The following ANKRD12 variants were observed in gnomAD, a reference collection of about 807,000 sequenced individuals.
ANKRD12 encodes the protein ankyrin repeat domain-containing protein 12.
In ANKRD12, 85 loss-of-function variants were observed where a neutral mutation model predicts 183.4. The observed-to-expected ratio is 0.46, with a 90% CI of 0.39 to 0.56. The LOEUF is 0.56. ANKRD12 is among the 20% of genes least tolerant of loss of function. The probability of loss-of-function intolerance (pLI) is 0.00; values close to 1 mark genes in which losing one functional copy is unlikely to be tolerated. For synonymous variants in ANKRD12, 914 were observed against 800.2 expected, an observed-to-expected ratio of 1.14 and a Z score of -2.40; for missense variants, 2,405 against 2,357.1, an observed-to-expected ratio of 1.02 and a Z score of -0.42.
intron 1 of ANKRD12, among the ~76,000 whole-genome samples, chr18:9,175,020 T>A (rs1253168397): frequency 6.6e-6 from 1 of 152,044 alleles, no homozygotes; most frequent in African/African-American, 2.4e-5. Context: ...AGTGGTGTGA[T>A]CTCGACTCAC....
chr18:9,145,086 A>G (rs1351630302), intron 1 of ANKRD12, among the ~76,000 whole-genome samples: 11 of 152,160 alleles, frequency 7.2e-5, no homozygotes, highest in African/African-American at 2.7e-4. Flanking sequence ...TTCCAGTTTT[A>G]CCACAATGAA....
At chr18:9,225,693 T>G (rs1337409040) in intron 8 of ANKRD12, among the ~76,000 whole-genome samples, 1 of 152,162 alleles carries the variant, frequency 6.6e-6, no homozygotes, top group Non-Finnish European at 1.5e-5. Context: ...CTCAATACTT[T>G]CGAAATCCAA....
At chr18:9,236,887 C>G (rs567616372) in intron 8 of ANKRD12, among the ~76,000 whole-genome samples, 1 of 152,248 alleles carries the variant, frequency 6.6e-6, no homozygotes, top group South Asian at 2.1e-4. Context: ...GAAATACTGT[C>G]AGGTTGGCAC....
chr18:9,228,892 C>T (rs1199962927), intron 8 of ANKRD12, among the ~76,000 whole-genome samples: 4 of 141,518 alleles, frequency 2.8e-5, no homozygotes, highest in African/African-American at 1.0e-4. Context: ...GACCAATGTC[C>T]TAAAGAGTTT....
chr18:9,220,376 T>C (rs2036353779), intron 7 of ANKRD12, among the ~76,000 whole-genome samples: 1 of 152,050 alleles, frequency 6.6e-6, no homozygotes, highest in South Asian at 2.1e-4. Flanking sequence ...ATGAATGTGG[T>C]ATAGGCTTAT....
intron 2 of ANKRD12, among the ~76,000 whole-genome samples, chr18:9,188,949 G>A (rs974034257): frequency 6.6e-6 from 1 of 152,178 alleles, no homozygotes; most frequent in Admixed American, 6.5e-5. Flanking sequence ...GTATTCAAGT[G>A]AAGAGTGGAA....
At chr18:9,217,449 A>C (rs191505123) in intron 7 of ANKRD12, among the ~76,000 whole-genome samples, 97 of 152,314 alleles carry the variant, frequency 6.4e-4, no homozygotes, top group African/African-American at 1.9e-3. Context: ...GTAAATGCAC[A>C]TTGAAATTTA....
chr18:9,172,829 T>G (rs138120982), intron 1 of ANKRD12, among the ~76,000 whole-genome samples: 1 of 152,294 alleles, frequency 6.6e-6, no homozygotes, highest in African/African-American at 2.4e-5. Context: ...GTTTTTTGCA[T>G]TATTTCTCAT....
chr18:9,138,170 A>C (rs1216747917), intron 1 of ANKRD12, among the ~76,000 whole-genome samples: 2 of 152,256 alleles, frequency 1.3e-5, no homozygotes, highest in African/African-American at 4.8e-5. Flanking sequence ...TAAATTATAA[A>C]GAAAGGCTAG....
intron 2 of ANKRD12, among the ~76,000 whole-genome samples, chr18:9,186,521 G>A (rs1037792700): frequency 6.6e-6 from 1 of 152,172 alleles, no homozygotes; most frequent in African/African-American, 2.4e-5. Flanking sequence ...GGATTTCAGA[G>A]CAGTTTGATG....
chr18:9,195,816 A>C (rs1241017225), intron 3 of ANKRD12, 118 bp downstream of exon 3: 2 of 936,964 alleles, frequency 2.1e-6, no homozygotes, highest in East Asian at 3.0e-5. Context: ...GTATTTCACT[A>C]TTTCAGATTT....
chr18:9,150,747 A>G (rs895460935), intron 1 of ANKRD12, among the ~76,000 whole-genome samples: 2 of 152,036 alleles, frequency 1.3e-5, no homozygotes, highest in Non-Finnish European at 2.9e-5. Context: ...TCCGCCTCCC[A>G]GGTTCAGGCC....
chr18:9,199,010 A>G (rs1382666321), intron 3 of ANKRD12, among the ~76,000 whole-genome samples: 2 of 152,126 alleles, frequency 1.3e-5, no homozygotes, highest in Admixed American at 6.6e-5. Context: ...TAATGTAGTA[A>G]GGCTGGGCAT....
At chr18:9,279,684 C>A in intron 12 of ANKRD12, 40 bp downstream of exon 12, 3 of 1,198,642 alleles carry the variant, frequency 2.5e-6, no homozygotes, top group African/African-American at 1.6e-5. Flanking sequence ...AATGCTTCCC[C>A]CTTCTTAAAA....
chr18:9,148,446 A>T (rs900507562), intron 1 of ANKRD12, among the ~76,000 whole-genome samples: 1 of 152,218 alleles, frequency 6.6e-6, no homozygotes, highest in African/African-American at 2.4e-5. Flanking sequence ...TTACAATCAG[A>T]TGTTTCATGT....
chr18:9,252,920 C>T (rs1041485396), intron 8 of ANKRD12, among the ~76,000 whole-genome samples: 2 of 152,254 alleles, frequency 1.3e-5, no homozygotes, highest in South Asian at 4.1e-4. Context: ...TAAATATTCT[C>T]TCTCCTAAAA....
At chr18:9,187,627 G>A (rs1190551189) in intron 2 of ANKRD12, among the ~76,000 whole-genome samples, 1 of 152,112 alleles carries the variant, frequency 6.6e-6, no homozygotes, top group Non-Finnish European at 1.5e-5. Context: ...TATTAAAATA[G>A]TTAGGATTTT....
intron 1 of ANKRD12, among the ~76,000 whole-genome samples, chr18:9,170,825 T>A (rs1265242050): frequency 3.3e-5 from 5 of 152,138 alleles, no homozygotes; most frequent in Non-Finnish European, 7.3e-5. Context: ...TTTTTTCCCA[T>A]CTTTGTGGTT....
intron 1 of ANKRD12, among the ~76,000 whole-genome samples, chr18:9,144,873 G>A (rs569307503): frequency 6.6e-6 from 1 of 151,712 alleles, no homozygotes; most frequent in African/African-American, 2.4e-5. Flanking sequence ...AATTATGTAT[G>A]TATTTGTATG....
Sources: allele counts gnomAD v4.1 joint callset (sites outside exome capture counted in the v4.1 genomes callset), GRCh38; gene constraint gnomAD v4.1.1; transcripts MANE v1.5; gene names NCBI Gene and HGNC (gene_info 2026-07-23, HGNC 2026-07-21).